Variants in ITGBL1 observed in about 807,000 individuals in gnomAD.
The protein encoded by ITGBL1 is integrin subunit beta like 1, also known as integrin beta-like protein 1.
In ITGBL1, 51 loss-of-function variants were observed where a neutral mutation model predicts 68.5. The observed-to-expected ratio is 0.74, with a 90% CI of 0.59 to 0.94. ITGBL1 has a LOEUF of 0.94. ITGBL1 is among the 40% of genes least tolerant of loss of function. The pLI is 0.00. For missense variants in ITGBL1, 649 were observed against 647.4 expected (o/e 1.00, Z -0.03); for synonymous variants, 209 against 227.3 (o/e 0.92, Z 0.72).
At chr13:101,641,310 A>G (rs895406394) in intron 7 of ITGBL1, among the ~76,000 whole-genome samples, 1 of 152,164 alleles carries the variant, frequency 6.6e-6, no homozygotes, top group African/African-American at 2.4e-5. Context: ...TCTGCCAGTC[A>G]GTTTATGAAT....
At chr13:101,572,202 C>A (rs2050284824) in intron 3 of ITGBL1, among the ~76,000 whole-genome samples, 1 of 152,106 alleles carries the variant, frequency 6.6e-6, no homozygotes, top group East Asian at 1.9e-4. Context: ...CCCCAAATTG[C>A]ATTAGCCTAT....
intron 6 of ITGBL1, among the ~76,000 whole-genome samples, chr13:101,593,130 T>A (rs116848415): frequency 4.6e-5 from 7 of 152,046 alleles, no homozygotes; most frequent in African/African-American, 7.2e-5. Context: ...GACATTCAGA[T>A]GTCCAACAGG....
In ITGBL1 at chr13:101,703,174, TAA is replaced by T. The variant is rs11364711; in HGVS notation, c.1133-3570_1133-3569del. Among the ~76,000 whole-genome samples the T allele has an allele frequency of 7.5e-3, 1,084 of 145,330 alleles. 12 individuals are homozygous for T. The highest frequency in any genetic ancestry group is 0.022 in the African/African-American group (863 of 39,894). On this transcript the variant is annotated intron_variant, in intron 8 of 10. Transcript: ENST00000376180. ...GAAGTCAAAAAAGTTCCACAGGAGG[TAA>T]AAAAAAAAAAATAAGGTATTACAGA...
chr13:101,474,790 A>G (rs1043987960), intron 2 of ITGBL1, among the ~76,000 whole-genome samples: 15 of 152,168 alleles, frequency 9.9e-5, no homozygotes, highest in African/African-American at 3.6e-4. Context: ...TGGTAATTCA[A>G]GGAATTCTCC....
intron 2 of ITGBL1, among the ~76,000 whole-genome samples, chr13:101,482,795 T>C (rs925902772): frequency 2.0e-5 from 3 of 151,986 alleles, no homozygotes; most frequent in Non-Finnish European, 4.4e-5. Flanking sequence ...AGGAAAAAAA[T>C]TGCAATTTAC....
intron 2 of ITGBL1, among the ~76,000 whole-genome samples, chr13:101,521,864 A>T (rs984243955): frequency 1.3e-5 from 2 of 151,598 alleles, no homozygotes; most frequent in Non-Finnish European, 2.9e-5. Flanking sequence ...GTCTTCAGCA[A>T]CAGAAATTCA....
intron 2 of ITGBL1, among the ~76,000 whole-genome samples, chr13:101,492,838 G>T (rs960944924): frequency 9.2e-5 from 14 of 152,130 alleles, no homozygotes; most frequent in African/African-American, 3.1e-4. Context: ...AATTCCCAAA[G>T]CCGAATATTA....
Position 101,454,077 on chromosome 13 carries a change from C to T in ITGBL1, c.293C>T (p.Thr98Ile). 6.3e-7 allele frequency: 1 copy of T among 1,582,870 alleles called. No individual in the cohort carries two copies. Among genetic ancestry groups the T allele is most frequent in the Non-Finnish European group, 8.6e-7 (1 of 1,164,616 alleles). Residue 98 changes from threonine to isoleucine, a missense_variant, in exon 2 of 11, where the codon ACC (threonine) becomes ATC (isoleucine). Transcript: ENST00000376180. ...GAGTGCCATGAGTGGGTGTGCGAGACCTACGACGGGAGCACCTGTGCAGGT... is the reference window on the plus strand; with the variant it reads ...GAGTGCCATGAGTGGGTGTGCGAGATCTACGACGGGAGCACCTGTGCAGGT... ...LCECHEWVCE[T>I]YDGSTCAGHG...
chr13:101,493,229 C>A (rs1342077970), intron 2 of ITGBL1, among the ~76,000 whole-genome samples: 1 of 151,958 alleles, frequency 6.6e-6, no homozygotes, highest in East Asian at 1.9e-4. Context: ...TCTTACTTAG[C>A]AGAATTGGAG....
intron 2 of ITGBL1, among the ~76,000 whole-genome samples, chr13:101,531,603 A>T (rs1211194078): frequency 1.9e-5 from 2 of 107,064 alleles, no homozygotes; most frequent in African/African-American, 3.7e-5. Context: ...TTCATAGCGT[A>T]TTTTTTGGGG....
At chr13:101,708,951 A>G (rs1277954576) in intron 9 of ITGBL1, among the ~76,000 whole-genome samples, 3 of 152,256 alleles carry the variant, frequency 2.0e-5, no homozygotes, top group Non-Finnish European at 2.9e-5. Context: ...TTCTGTTCTC[A>G]GGGGGCTTCA....
intron 2 of ITGBL1, among the ~76,000 whole-genome samples, chr13:101,484,070 CCTG>C (rs2048667127): frequency 2.0e-5 from 3 of 151,054 alleles, no homozygotes; most frequent in Admixed American, 2.0e-4. Flanking sequence ...TTTTTTTTCC[CCTG>C]CTTTTTGTCT....
intron 7 of ITGBL1, among the ~76,000 whole-genome samples, chr13:101,649,430 G>A (rs1225204250): frequency 6.6e-6 from 1 of 151,958 alleles, no homozygotes; most frequent in African/African-American, 2.4e-5. Context: ...TAGACTATAA[G>A]GTCAATGTAA....
chr13:101,645,984 G>A (rs2032543053), intron 7 of ITGBL1, among the ~76,000 whole-genome samples: 2 of 152,152 alleles, frequency 1.3e-5, no homozygotes, highest in African/African-American at 4.8e-5. Context: ...AGTTTTGCTG[G>A]AGGAGCAATA....
At chr13:101,622,591 T>C (rs954212155) in intron 7 of ITGBL1, among the ~76,000 whole-genome samples, 3 of 152,198 alleles carry the variant, frequency 2.0e-5, no homozygotes, top group African/African-American at 7.2e-5. Context: ...GTTGATTTTC[T>C]TTGTATTTCT....
intron 2 of ITGBL1, among the ~76,000 whole-genome samples, chr13:101,543,191 G>A (rs141532330): frequency 1.8e-4 from 27 of 152,238 alleles, no homozygotes; most frequent in African/African-American, 4.8e-4. Context: ...TGTGGTGGCT[G>A]GTACTGGTTT....
intron 7 of ITGBL1, among the ~76,000 whole-genome samples, chr13:101,629,143 T>G (rs7981106): frequency 0.56 from 84,994 of 151,948 alleles, 25,315 homozygotes; most frequent in Middle Eastern, 0.69. Context: ...ATATGCTTGA[T>G]AAATCTTTGA....
chr13:101,522,939 G>T (rs566557077), intron 2 of ITGBL1, among the ~76,000 whole-genome samples: 1 of 152,168 alleles, frequency 6.6e-6, no homozygotes, highest in Non-Finnish European at 1.5e-5. Context: ...CATCGCTGCA[G>T]GCAAAATAAT....
chr13:101,467,886 T>C (rs755035248), intron 2 of ITGBL1, among the ~76,000 whole-genome samples: 1 of 152,182 alleles, frequency 6.6e-6, no homozygotes, highest in Non-Finnish European at 1.5e-5. Flanking sequence ...TAAATTTTTT[T>C]TTTTAAAAGA....
Sources: allele counts gnomAD v4.1 joint callset (sites outside exome capture counted in the v4.1 genomes callset), GRCh38; gene constraint gnomAD v4.1.1; transcripts MANE v1.5; gene names NCBI Gene and HGNC (gene_info 2026-07-23, HGNC 2026-07-21).